CHMP3: variants seen among roughly 807,000 people sequenced by gnomAD.
The protein encoded by CHMP3 is 25.1 protein.
In CHMP3, 8 loss-of-function variants were observed where a neutral mutation model predicts 27.4. The observed-to-expected ratio is 0.29, with a 90% CI of 0.17 to 0.53. CHMP3 has a LOEUF of 0.53. CHMP3 is among the 20% of genes least tolerant of loss of function. The probability of loss-of-function intolerance (pLI) is 0.96; values close to 1 mark genes in which losing one functional copy is unlikely to be tolerated. For missense variants in CHMP3, 208 were observed against 271.5 expected, an observed-to-expected ratio of 0.77 and a Z score of 1.64; for synonymous variants, 86 against 85.5, an observed-to-expected ratio of 1.01 and a Z score of -0.03.
chr2:86,510,791 C>A, intron 3 of CHMP3: 1 of 268,434 alleles, frequency 3.7e-6, no homozygotes, highest in Non-Finnish European at 7.2e-6. Flanking sequence ...CCAGGAAAAT[C>A]ACAAATGGGA....
At chr2:86,514,799 T>A (rs541807470) in intron 3 of CHMP3, among the ~76,000 whole-genome samples, 31 of 152,194 alleles carry the variant, frequency 2.0e-4, no homozygotes, top group Non-Finnish European at 4.0e-4. Context: ...TCGTTATATA[T>A]TTAATTAAAA....
Position 86,539,638 on chromosome 2 carries a change from A to G in CHMP3, c.106+2614T>C, listed in dbSNP as rs185124141. On this transcript the variant is annotated intron_variant, in intron 2 of 5. Coordinates refer to ENST00000263856, the MANE Select transcript of CHMP3 (RefSeq NM_016079.4). ...CACTAATGAAACTTATGAAGTTTCT[A>G]ACATTTATTTTTGACACTGATCAAT... 1.7e-4 allele frequency among the ~76,000 whole-genome samples: 26 copies of G among 152,252 alleles called. No homozygotes were observed. In the East Asian group the frequency reaches 4.8e-3, roughly 28 times the overall value.
At chr2:86,554,816 CGTGTGTGTGT>C (rs70956121) in intron 1 of CHMP3, among the ~76,000 whole-genome samples, 12 of 145,384 alleles carry the variant, frequency 8.3e-5, no homozygotes, top group African/African-American at 3.1e-4. Context: ...TGTGTGCGCG[CGTGTGTGTGT>C]GTGTGTGTGT....
intron 3 of CHMP3, chr2:86,512,533 C>A (rs1180261224): frequency 6.6e-6 from 1 of 152,008 alleles, no homozygotes. Flanking sequence ...AAAGGTGTGG[C>A]AGGTAAAAAT....
intron 3 of CHMP3, 25 bp downstream of exon 3, chr2:86,529,193 G>T: frequency 6.4e-7 from 1 of 1,555,962 alleles, no homozygotes; most frequent in South Asian, 1.2e-5. Flanking sequence ...ATTATGAGGT[G>T]ACTGTAAGGT....
chr2:86,515,175 G>C (rs1042961638), intron 3 of CHMP3: 1 of 144,978 alleles, frequency 6.9e-6, no homozygotes, highest in Non-Finnish European at 1.5e-5. Flanking sequence ...AGCCCCATAT[G>C]TAGAGGCTTG....
chr2:86,515,673 G>A (rs2104750095), intron 3 of CHMP3, among the ~76,000 whole-genome samples: 1 of 152,082 alleles, frequency 6.6e-6, no homozygotes, highest in South Asian at 2.1e-4. Context: ...CCAGTGCCTA[G>A]CACTGTGCCT....
intron 1 of CHMP3, among the ~76,000 whole-genome samples, chr2:86,559,799 T>C (rs192868150): frequency 6.6e-6 from 1 of 152,254 alleles, no homozygotes; most frequent in East Asian, 1.9e-4. Flanking sequence ...CAAGAACCCA[T>C]TCATAGGCAG....
intron 1 of CHMP3, among the ~76,000 whole-genome samples, chr2:86,560,435 CATT>C (rs1677305322): frequency 6.6e-6 from 1 of 152,076 alleles, no homozygotes; most frequent in Non-Finnish European, 1.5e-5. Context: ...TGGAAACCAT[CATT>C]CTCAGCAAAC....
At chr2:86,534,119 G>A (rs372542041) in intron 2 of CHMP3, among the ~76,000 whole-genome samples, 20 of 149,014 alleles carry the variant, frequency 1.3e-4, no homozygotes, top group African/African-American at 4.7e-4. Flanking sequence ...AGAATGTCTT[G>A]TGTATATGTG....
chr2:86,535,082 C>A (rs966724884), intron 2 of CHMP3, among the ~76,000 whole-genome samples: 14 of 151,966 alleles, frequency 9.2e-5, no homozygotes, highest in African/African-American at 3.4e-4. Context: ...CATGATGAAA[C>A]CCTGTCTCTA....
chr2:86,549,970 C>A (rs542156908), intron 1 of CHMP3, among the ~76,000 whole-genome samples: 1 of 149,822 alleles, frequency 6.7e-6, no homozygotes, highest in Non-Finnish European at 1.5e-5. Context: ...ACTTCCCAGA[C>A]GGGGTGGCGG....
chr2:86,550,776 T>C (rs143744193), intron 1 of CHMP3, among the ~76,000 whole-genome samples: 198 of 152,334 alleles, frequency 1.3e-3, no homozygotes, highest in African/African-American at 4.6e-3. Flanking sequence ...GTATGGAACA[T>C]GTAGACTTTT....
intron 1 of CHMP3, among the ~76,000 whole-genome samples, chr2:86,555,818 G>C (rs1402699405): frequency 2.0e-5 from 3 of 152,036 alleles, no homozygotes; most frequent in East Asian, 1.9e-4. Context: ...TTGCATTTAG[G>C]AGCCACCTGA....
chr2:86,507,279 CTA>C (rs1166982795), intron 5 of CHMP3, 198 bp downstream of exon 5: 2 of 532,978 alleles, frequency 3.8e-6, no homozygotes, highest in Non-Finnish European at 6.7e-6. Flanking sequence ...CATGCAAACT[CTA>C]AAAATTTTAA....
chr2:86,508,364 C>G (rs982201192), intron 4 of CHMP3, among the ~76,000 whole-genome samples: 2 of 152,158 alleles, frequency 1.3e-5, no homozygotes, highest in African/African-American at 2.4e-5. Flanking sequence ...CTCAGCAGTT[C>G]CTCAACTCCC....
intron 4 of CHMP3, among the ~76,000 whole-genome samples, chr2:86,508,421 G>C (rs1447129772): frequency 6.6e-6 from 1 of 152,194 alleles, no homozygotes; most frequent in Non-Finnish European, 1.5e-5. Context: ...CAAAGGGTCG[G>C]AACAGCAACC....
chr2:86,558,543 C>A (rs1055213324), intron 1 of CHMP3, among the ~76,000 whole-genome samples: 1 of 152,104 alleles, frequency 6.6e-6, no homozygotes. Context: ...CTGGAGATAC[C>A]ACCCATAATG....
intron 3 of CHMP3, among the ~76,000 whole-genome samples, chr2:86,519,034 C>T (rs899193893): frequency 2.0e-5 from 3 of 151,990 alleles, no homozygotes; most frequent in Non-Finnish European, 4.4e-5. Flanking sequence ...ATTGTATAGA[C>T]GTTATAGAAA....
Sources: gnomAD v4.1 joint callset for allele counts (sites outside exome capture counted in the v4.1 genomes callset) on GRCh38, gnomAD v4.1.1 for gene constraint, MANE v1.5 for transcripts, NCBI Gene and HGNC (gene_info 2026-07-23, HGNC 2026-07-21) for gene names.